The following CNOT1 variants were observed in gnomAD, a reference collection of about 807,000 sequenced individuals.
CNOT1 encodes the protein CCR4-associated factor 1.
In CNOT1, 15 loss-of-function variants were observed where a neutral mutation model predicts 273.8. The ratio of observed to expected loss-of-function variants is 0.05; its 90% CI spans 0.04 to 0.08. The LOEUF (loss-of-function observed/expected upper bound fraction) is 0.08, where lower values mean the gene tolerates loss of function less well. CNOT1 is among the 10% of genes least tolerant of loss of function. CNOT1 has a pLI of 1.00. For synonymous variants in CNOT1, 1,022 were observed against 1,005.5 expected, an observed-to-expected ratio of 1.02 and a Z score of -0.31; for missense variants, 1,644 against 2,912.2, an observed-to-expected ratio of 0.56 and a Z score of 10.02.
At chr16:58,587,735 A>G in intron 4 of CNOT1, 45 bp downstream of exon 4, 1 of 1,568,734 alleles carries the variant, frequency 6.4e-7, no homozygotes, top group Middle Eastern at 1.7e-4. Context: ...CTTTTTAGAA[A>G]GCCTAAGGAG....
chr16:58,582,994 TA>T (rs144285925), intron 9 of CNOT1, 61 bp downstream of exon 9: 233 of 1,595,766 alleles, frequency 1.5e-4, no homozygotes, highest in Admixed American at 4.4e-4. Flanking sequence ...GTAATTTAAT[TA>T]AAAAAAAATA....
Position 58,582,825 on chromosome 16 carries a change from C to T in CNOT1, c.1012G>A (p.Val338Ile). The T allele has an allele frequency of 6.5e-7, 1 of 1,546,682 alleles. No individual in the cohort carries two copies. Among genetic ancestry groups the T allele is most frequent in the Non-Finnish European group, 8.9e-7 (1 of 1,118,378 alleles). Residue 338 changes from valine (V) to isoleucine (I), a missense_variant, in exon 10 of 49, where the codon GTA becomes ATA. By Grantham distance (29) the Val-to-Ile change is conservative. Around this residue, in one of 13 missense-constraint regions of CNOT1, gnomAD observed 706 missense variants for 1,021.2 expected, o/e 0.69. Transcript: ENST00000317147. The part of the protein sequence containing the change: ...SDGAQAHTWN[V>I]EVLIDVLKEL... ...TTAAGAACGTCAATCAAGACTTCTACATTCCATGTGTGTGCCTGTGCTCCA... is the reference window on the plus strand; with the variant it reads ...TTAAGAACGTCAATCAAGACTTCTATATTCCATGTGTGTGCCTGTGCTCCA...
intron 20 of CNOT1, 30 bp from the exon 21 acceptor site, chr16:58,555,567 C>T (rs2040602232): frequency 6.3e-7 from 1 of 1,595,494 alleles, no homozygotes; most frequent in Non-Finnish European, 8.5e-7. Context: ...ACAACGCACA[C>T]ATAAAGGAAA....
chr16:58,545,350 T>C lies in CNOT1; in HGVS notation c.4137+11A>G. The C allele has an allele frequency of 6.2e-7, 1 of 1,612,114 alleles. No individual in the cohort carries two copies. Among genetic ancestry groups the C allele is most frequent in the Non-Finnish European group, 8.5e-7 (1 of 1,179,274 alleles). ...ACTAGAAGCTGGGAGAATGGAGCAG[T>C]GTTTACTTACTGTTGGATTCAGAGT... On this transcript the variant is annotated intron_variant, in intron 30 of 48. Coordinates refer to ENST00000317147, the MANE Select transcript of CNOT1 (RefSeq NM_016284.5).
intron 19 of CNOT1, among the ~76,000 whole-genome samples, chr16:58,556,510 T>C (rs1452080558): frequency 1.3e-5 from 2 of 152,188 alleles, no homozygotes; most frequent in African/African-American, 4.8e-5. Flanking sequence ...AAATCTGAAA[T>C]TGTCCTTCTC....
chr16:58,545,911 T>C (rs1169194551), intron 29 of CNOT1, among the ~76,000 whole-genome samples: 2 of 152,154 alleles, frequency 1.3e-5, no homozygotes, highest in Non-Finnish European at 2.9e-5. Flanking sequence ...AACACTCCCA[T>C]ACCCTTCTCC....
chr16:58,526,614 G>A (rs1451578173), intron 44 of CNOT1, among the ~76,000 whole-genome samples: 6 of 151,278 alleles, frequency 4.0e-5, no homozygotes, highest in Non-Finnish European at 8.8e-5. Context: ...ACCTGAGGTT[G>A]GGAGTTCAAG....
Position 58,604,265 on chromosome 16 carries a change from CTA to C in CNOT1, c.-174-4756_-174-4755del, listed in dbSNP as rs147166202. Among the ~76,000 whole-genome samples, 633 of 152,266 alleles carry C rather than the reference CTA, an allele frequency of 4.2e-3. 5 individuals carry two copies. Among genetic ancestry groups the C allele is most frequent in the African/African-American group, 0.014 (592 of 41,566 alleles). ...CATTTTTAAATACTGTAACACAAAG[CTA>C]TAGTCACTTTCCAACAAGTTCATCA... is the stretch of plus-strand genomic sequence containing the variant. On this transcript the variant is annotated intron_variant, in intron 1 of 48. Transcript: ENST00000317147.
chr16:58,601,018 G>A (rs1006715063), intron 1 of CNOT1, among the ~76,000 whole-genome samples: 3 of 152,232 alleles, frequency 2.0e-5, no homozygotes, highest in South Asian at 2.1e-4. Flanking sequence ...TTAATGGCAC[G>A]GTCTCAGCTC....
intron 21 of CNOT1, among the ~76,000 whole-genome samples, chr16:58,554,127 G>C (rs1160122742): frequency 6.6e-6 from 1 of 151,856 alleles, no homozygotes; most frequent in African/African-American, 2.4e-5. Context: ...CACTTCTCTG[G>C]AAACAATTCA....
At position 58,543,907 on chromosome 16, in the gene CNOT1, G is replaced by C. The variant is rs778649393; in HGVS notation, c.4138-4C>G. 1 of 1,593,706 alleles carries C rather than the reference G, an allele frequency of 6.3e-7. No homozygotes were observed. Among genetic ancestry groups the C allele is most frequent in the South Asian group, 1.1e-5 (1 of 88,982 alleles). ...GATGGGCCTGAAACAAGGGAATCTG[G>C]GGGGTTGGGGAGGACAAAGTCAACA... On this transcript the variant is annotated splice_region_variant and splice_polypyrimidine_tract_variant and intron_variant, in intron 30 of 48. Coordinates refer to ENST00000317147, the MANE Select transcript of CNOT1 (RefSeq NM_016284.5).
chr16:58,553,208 G>C (rs1338711051), intron 22 of CNOT1, among the ~76,000 whole-genome samples: 1 of 151,870 alleles, frequency 6.6e-6, no homozygotes, highest in Non-Finnish European at 1.5e-5. Context: ...GGAGGACAAT[G>C]TTGCAGTGAA....
intron 25 of CNOT1, among the ~76,000 whole-genome samples, chr16:58,548,797 C>A (rs1404611868): frequency 6.6e-6 from 1 of 152,222 alleles, no homozygotes; most frequent in Non-Finnish European, 1.5e-5. Context: ...TTAAACTGCA[C>A]AGACTCCTAG....
chr16:58,520,327 A>G lies in CNOT1; in HGVS notation c.*631T>C, dbSNP rs997074474. 6.6e-6 allele frequency: 1 copy of G among 152,540 alleles called. No individual in the cohort carries two copies. Among genetic ancestry groups the G allele is most frequent in the African/African-American group, 2.4e-5 (1 of 41,412 alleles). The allele number at this position is 152,540 out of a possible 1,614,324, so 9.4% of individuals were successfully genotyped here. On this transcript the variant is annotated 3_prime_UTR_variant, in exon 49 of 49. Transcript: ENST00000317147. ...CCATCTCAGGCGGCTGAGGTGTATAATCCCCAAAAGAAATAAGATGGTACA... is the reference window on the plus strand; with the variant it reads ...CCATCTCAGGCGGCTGAGGTGTATAGTCCCCAAAAGAAATAAGATGGTACA...
intron 1 of CNOT1, among the ~76,000 whole-genome samples, chr16:58,619,450 C>G (rs2043222988): frequency 1.3e-5 from 2 of 150,002 alleles, no homozygotes; most frequent in South Asian, 4.2e-4. Flanking sequence ...TTTTTTGAGA[C>G]AGCGTCTCGC....
At chr16:58,587,649 C>G (rs1029767686) in intron 4 of CNOT1, 131 bp downstream of exon 4, 47 of 1,164,058 alleles carry the variant, frequency 4.0e-5, no homozygotes, top group Non-Finnish European at 5.6e-5. Flanking sequence ...TTGTTACAAA[C>G]TATAAAAGAC....
intron 44 of CNOT1, among the ~76,000 whole-genome samples, chr16:58,527,177 C>A (rs1479087095): frequency 2.0e-5 from 3 of 151,914 alleles, no homozygotes; most frequent in South Asian, 2.1e-4. Flanking sequence ...AACCTCAAAT[C>A]GAAAATATGG....
chr16:58,586,838 C>T (rs1268067409), intron 6 of CNOT1, 90 bp from the exon 7 acceptor site: 1 of 1,381,696 alleles, frequency 7.2e-7, no homozygotes, highest in Non-Finnish European at 1.0e-6. Flanking sequence ...GATAATCACC[C>T]TTCTCATTCA....
chr16:58,587,918 C>T (rs2041928317), intron 3 of CNOT1, 40 bp from the exon 4 acceptor site: 1 of 1,564,466 alleles, frequency 6.4e-7, no homozygotes, highest in Non-Finnish European at 8.7e-7. Flanking sequence ...CACTAATCAT[C>T]ATCTAAGAAC....
Sources: gnomAD v4.1 joint callset for allele counts (sites outside exome capture counted in the v4.1 genomes callset) on GRCh38, gnomAD v4.1.1 for gene constraint, gnomAD v4.1.1 regional missense constraint, MANE v1.5 for transcripts, NCBI Gene and HGNC (gene_info 2026-07-23, HGNC 2026-07-21) for gene names.